Variants in SLC19A2 observed in about 807,000 individuals in gnomAD.
SLC19A2 encodes the protein solute carrier family 19 member 2.
A neutral mutation model predicts 44.7 loss-of-function variants in SLC19A2; 27 were observed. The observed-to-expected ratio is 0.60, with a 90% CI of 0.45 to 0.83. The LOEUF is 0.83. SLC19A2 is among the 40% of genes least tolerant of loss of function. The pLI, the probability that SLC19A2 is intolerant of heterozygous loss-of-function variation, is 0.00. For missense variants in SLC19A2, 566 were observed against 613.7 expected (o/e 0.92, Z 0.82); for synonymous variants, 239 against 243.6 (o/e 0.98, Z 0.18).
In SLC19A2 at chr1:169,484,074, C is replaced by G. The variant is rs553827518; in HGVS notation, c.204+1489G>C. 2.0e-5 allele frequency among the ~76,000 whole-genome samples: 3 copies of G among 152,288 alleles called. No individual in the cohort carries two copies. The South Asian group carries it at 6.2e-4, about 32-fold the overall frequency. ...TGATCCACAAGACTGAGAAACGGCC[C>G]AGCCACTCCATCCCACAACTGGCAG... is the stretch of plus-strand genomic sequence containing the variant. On this transcript the variant is annotated intron_variant, in intron 1 of 5. Transcript: ENST00000236137.
intron 1 of SLC19A2, among the ~76,000 whole-genome samples, chr1:169,480,507 T>A (rs2101783611): frequency 6.6e-6 from 1 of 151,780 alleles, no homozygotes; most frequent in South Asian, 2.1e-4. Flanking sequence ...AGAGACAGGG[T>A]TTCAATATGT....
At chr1:169,469,735 A>G (rs1658120190) in intron 3 of SLC19A2, among the ~76,000 whole-genome samples, 1 of 152,218 alleles carries the variant, frequency 6.6e-6, no homozygotes, top group Admixed American at 6.5e-5. Flanking sequence ...GAAAATTATT[A>G]TATTAGGTTT....
At chr1:169,474,369 G>A (rs1221789245) in intron 2 of SLC19A2, among the ~76,000 whole-genome samples, 1 of 152,168 alleles carries the variant, frequency 6.6e-6, no homozygotes, top group Non-Finnish European at 1.5e-5. Flanking sequence ...CTGTGCTAAA[G>A]AAGTGGTTTA....
chr1:169,478,324 C>T (rs1228484780), intron 1 of SLC19A2, among the ~76,000 whole-genome samples: 1 of 151,380 alleles, frequency 6.6e-6, no homozygotes, highest in Non-Finnish European at 1.5e-5. Flanking sequence ...ACTTGTATTA[C>T]AACATTCAAA....
At chr1:169,484,196 CA>C (rs1294400400) in intron 1 of SLC19A2, among the ~76,000 whole-genome samples, 1 of 152,202 alleles carries the variant, frequency 6.6e-6, no homozygotes, top group Non-Finnish European at 1.5e-5. Flanking sequence ...ATACGTAAGT[CA>C]ATACTGATTC....
Position 169,485,629 on chromosome 1 carries a change from G to A in SLC19A2, c.138C>T (p.Leu46=). The A allele has an allele frequency of 1.9e-6, 3 of 1,564,218 alleles. No homozygotes were observed. The highest frequency in any genetic ancestry group is 2.6e-6 in the Non-Finnish European group (3 of 1,154,818). ...GGGTCAGGAAGGGCTCGGACGGCCT[G>A]AGGCTGGCGAAGAAGCCGTAGGCGC... ...LLCAYGFFAS[L]RPSEPFLTPY... The change falls in exon 1 of 6, where the codon CTC becomes CTT. Residue 46 remains leucine, a synonymous_variant. Coordinates refer to ENST00000236137, the MANE Select transcript of SLC19A2 (RefSeq NM_006996.3).
intron 2 of SLC19A2, among the ~76,000 whole-genome samples, chr1:169,472,670 G>C (rs1658215935): frequency 6.6e-6 from 1 of 152,202 alleles, no homozygotes; most frequent in South Asian, 2.1e-4. Flanking sequence ...TCCACACACA[G>C]AGGTTAATAA....
At chr1:169,474,025 T>G (rs1171659497) in intron 2 of SLC19A2, 1 of 152,184 alleles carries the variant, frequency 6.6e-6, no homozygotes, top group Non-Finnish European at 1.5e-5. Context: ...GCCCAAGTAT[T>G]AGAACTAGGG....
chr1:169,468,017 A>T, intron 5 of SLC19A2, 94 bp downstream of exon 5: 1 of 1,242,988 alleles, frequency 8.0e-7, no homozygotes, highest in Non-Finnish European at 1.2e-6. Flanking sequence ...TCTGTTCCCT[A>T]TTGTTTGGAT....
chr1:169,468,165 C>G lies in SLC19A2; in HGVS notation c.1311G>C (p.Leu437=). The change falls in exon 5 of 6, where the codon CTG becomes CTC. Residue 437 remains leucine, a synonymous_variant. Coordinates refer to ENST00000236137, the MANE Select transcript of SLC19A2 (RefSeq NM_006996.3). ...TGGCATCTACCACAATTAGAGTGAG[C>G]AGCGTCTGCAGTGCCAGGGCAATGA... The part of the protein sequence containing the change: ...NTFIALALQT[L]LTLIVVDASG... The G allele has an allele frequency of 1.2e-6, 2 of 1,613,910 alleles. No homozygotes were observed. Among genetic ancestry groups the G allele is most frequent in the African/African-American group, 2.7e-5 (2 of 75,006 alleles).
intron 4 of SLC19A2, 138 bp from the exon 5 acceptor site, chr1:169,468,390 T>C: frequency 2.6e-6 from 2 of 778,126 alleles, no homozygotes; most frequent in Non-Finnish European, 4.0e-6. Context: ...TCCAACCAAA[T>C]GAAAACATTC....
Position 169,485,884 on chromosome 1 carries a change from G to A in SLC19A2, c.-118C>T, listed in dbSNP as rs547359850. On this transcript the variant is annotated 5_prime_UTR_variant, in exon 1 of 6. The change creates a new upstream start codon in the 5' untranslated region. Transcript: ENST00000236137. ...CGCCTTCTCCCTGTAAGGCCAGGAC[G>A]TTCTGGACTCGCCGCCGCCTCCGGC... 1.2e-5 allele frequency: 14 copies of A among 1,207,032 alleles called. No homozygotes were observed. The highest frequency in any genetic ancestry group is 1.5e-5 in the Non-Finnish European group (13 of 888,806). 74.8% of individuals were successfully genotyped at this position (1,207,032 alleles called of 1,614,324 possible).
intron 2 of SLC19A2, among the ~76,000 whole-genome samples, chr1:169,471,743 A>G (rs1658189410): frequency 6.7e-6 from 1 of 149,676 alleles, no homozygotes; most frequent in Non-Finnish European, 1.5e-5. Flanking sequence ...TAAAATTAAT[A>G]GATATTTTCT....
chr1:169,481,046 T>C (rs1658432455), intron 1 of SLC19A2, among the ~76,000 whole-genome samples: 1 of 152,194 alleles, frequency 6.6e-6, no homozygotes, highest in Admixed American at 6.5e-5. Flanking sequence ...ATAGTTTCTC[T>C]TTAACTTATT....
intron 2 of SLC19A2, among the ~76,000 whole-genome samples, chr1:169,473,875 AATG>A (rs1658252494): frequency 6.6e-6 from 1 of 151,338 alleles, no homozygotes; most frequent in South Asian, 2.1e-4. Flanking sequence ...GTGTAATGAT[AATG>A]ATAATAGTAA....
At position 169,470,156 on chromosome 1, in the gene SLC19A2, T is replaced by C. The variant is rs1658134681; in HGVS notation, c.838A>G (p.Lys280Glu). The C allele has an allele frequency of 2.5e-6, 4 of 1,613,874 alleles. No homozygotes were observed. Among genetic ancestry groups the C allele is most frequent in the Non-Finnish European group, 3.4e-6 (4 of 1,179,960 alleles). ...ATCAGGAAATCATTCCATAGTACTT[T>C]CAATACAAGGAGACGGTCTGGCTTG... ...EPKPDRLLVLKVLWNDFLMCY... is the reference protein window; with the variant it reads ...EPKPDRLLVLEVLWNDFLMCY... The change falls in exon 3 of 6, where the codon AAA becomes GAA. Residue 280 changes from lysine to glutamate, a missense_variant. Lys to Glu is a moderately conservative substitution (Grantham distance 56). Coordinates refer to ENST00000236137, the MANE Select transcript of SLC19A2 (RefSeq NM_006996.3).
chr1:169,476,386 T>C (rs1658310161), intron 2 of SLC19A2, among the ~76,000 whole-genome samples: 1 of 152,148 alleles, frequency 6.6e-6, no homozygotes, highest in African/African-American at 2.4e-5. Flanking sequence ...ATATCCCTTC[T>C]AGCACAGAAG....
chr1:169,474,076 G>A (rs1250239436), intron 2 of SLC19A2: 3 of 152,094 alleles, frequency 2.0e-5, no homozygotes, highest in Admixed American at 1.3e-4. Flanking sequence ...TGAATGAAGC[G>A]AATAGATTTT....
chr1:169,477,683 G>A lies in SLC19A2; in HGVS notation c.279C>T (p.Asp93=). The part of the protein sequence containing the change: ...VLLFPVFLAT[D]YLRYKPVVLL... ...GAACAACAGGTTTATAACGGAGGTA[G>A]TCTGTGGCAAGGAACACAGGAAACA... Residue 93 remains aspartate, a synonymous_variant, in exon 2 of 6, where the codon GAC becomes GAT. Coordinates refer to ENST00000236137, the MANE Select transcript of SLC19A2 (RefSeq NM_006996.3). 6.2e-7 allele frequency: 1 copy of A among 1,613,922 alleles called. No homozygotes were observed. The highest frequency in any genetic ancestry group is 8.5e-7 in the Non-Finnish European group (1 of 1,179,972).
Sources: gnomAD v4.1 joint callset for allele counts (sites outside exome capture counted in the v4.1 genomes callset) on GRCh38, gnomAD v4.1.1 for gene constraint, MANE v1.5 for transcripts, NCBI Gene and HGNC (gene_info 2026-07-23, HGNC 2026-07-21) for gene names.